The following LUC7L2 variants were observed in gnomAD, a reference collection of about 807,000 sequenced individuals.
The protein encoded by LUC7L2 is LUC7 like 2, pre-mRNA splicing factor, also known as putative RNA-binding protein Luc7-like 2.
A neutral mutation model predicts 52.8 loss-of-function variants in LUC7L2; 25 were observed. The ratio of observed to expected loss-of-function variants is 0.47; its 90% CI spans 0.34 to 0.66. The LOEUF (loss-of-function observed/expected upper bound fraction) is 0.66, where lower values mean the gene tolerates loss of function less well. Among genes scored for constraint, LUC7L2 ranks in the 30% least tolerant of loss-of-function variants. The pLI, the probability that LUC7L2 is intolerant of heterozygous loss-of-function variation, is 0.01. For synonymous variants in LUC7L2, 144 were observed against 160.9 expected (o/e 0.89, Z 0.80); for missense variants, 328 against 497.8 (o/e 0.66, Z 3.25).
rs79091743 is a variant in LUC7L2 at position 139,383,800 on chromosome 7, C to G, written c.156+7644C>G. On this transcript the variant is annotated intron_variant, in intron 2 of 9. Coordinates refer to ENST00000354926, the MANE Select transcript of LUC7L2 (RefSeq NM_016019.5). The stretch of plus-strand genomic sequence containing the variant: ...CTAGGCTGGAGTGCAGTGGTGTGAT[C>G]TCGGCTCACTGCAACCTCCGCCTCC... Among the ~76,000 whole-genome samples, 2,266 of 147,612 alleles carry G rather than the reference C, an allele frequency of 0.015. 134 individuals are homozygous for G. In the East Asian group the frequency reaches 0.23, roughly 15 times the overall value.
intron 2 of LUC7L2, among the ~76,000 whole-genome samples, chr7:139,396,169 A>G (rs1246954879): frequency 6.6e-6 from 1 of 152,164 alleles, no homozygotes; most frequent in East Asian, 1.9e-4. Flanking sequence ...GGCCAGGTGC[A>G]GTTGCTCATA....
chr7:139,359,757 G>A (rs760385411), upstream of LUC7L2: 75 of 400,818 alleles, frequency 1.9e-4, 4 homozygotes, highest in Non-Finnish European at 2.5e-4. Context: ...CGGGGTAAAG[G>A]GGCGGGAGGA....
intron 1 of LUC7L2, among the ~76,000 whole-genome samples, chr7:139,368,835 T>C (rs76166287): frequency 0.013 from 1,971 of 152,260 alleles, 46 homozygotes; most frequent in African/African-American, 0.045. Context: ...GGCAACCCTT[T>C]TTGTAAATTT....
At chr7:139,375,699 G>A (rs760012780) in intron 1 of LUC7L2, 1 of 859,526 alleles carries the variant, frequency 1.2e-6, no homozygotes, top group Non-Finnish European at 1.4e-6. Flanking sequence ...CTCTTAGTGG[G>A]TCTGCAAGTT....
chr7:139,405,552 TAAC>T, intron 4 of LUC7L2, 89 bp from the exon 5 acceptor site: 2 of 1,432,342 alleles, frequency 1.4e-6, no homozygotes, highest in South Asian at 1.5e-5. Context: ...CTGCCTTAGA[TAAC>T]AAGTTTTTTC....
chr7:139,353,240 G>A (rs1485739889), intron 1 of LUC7L2, among the ~76,000 whole-genome samples: 1 of 152,040 alleles, frequency 6.6e-6, no homozygotes, highest in East Asian at 1.9e-4. Context: ...TGTATGTACC[G>A]ATGCCCCAAG....
At chr7:139,406,766 A>G (rs1795131536) in intron 5 of LUC7L2, among the ~76,000 whole-genome samples, 1 of 152,080 alleles carries the variant, frequency 6.6e-6, no homozygotes. Flanking sequence ...CTCTTTTAAT[A>G]TCTGTAGAAT....
intron 1 of LUC7L2, among the ~76,000 whole-genome samples, chr7:139,360,894 T>A (rs1799846427): frequency 6.6e-6 from 1 of 152,240 alleles, no homozygotes; most frequent in Non-Finnish European, 1.5e-5. Flanking sequence ...TGGGTGTGTT[T>A]GGCCCCATTT....
intron 1 of LUC7L2, among the ~76,000 whole-genome samples, chr7:139,345,307 G>A (rs926565761): frequency 6.6e-6 from 1 of 152,076 alleles, no homozygotes; most frequent in East Asian, 1.9e-4. Flanking sequence ...TTAAAAATCC[G>A]AACTAGAGGT....
intron 1 of LUC7L2, chr7:139,375,624 T>C: frequency 1.0e-6 from 1 of 984,322 alleles, no homozygotes; most frequent in Non-Finnish European, 1.2e-6. Flanking sequence ...GTTTTTCAAT[T>C]ACTGTAAATA....
chr7:139,379,549 C>CTTTTTTTTTT lies in LUC7L2; in HGVS notation c.156+3422_156+3431dup, dbSNP rs539771697. Among the ~76,000 whole-genome samples the CTTTTTTTTTT allele has an allele frequency of 1.3e-4, 7 of 52,722 alleles. 1 individual carries two copies. The highest frequency in any genetic ancestry group is 3.5e-4 in the African/African-American group (4 of 11,450). 34.6% of individuals were successfully genotyped at this position (52,722 alleles called of 152,430 possible). On this transcript the variant is annotated intron_variant, in intron 2 of 9. Transcript: ENST00000354926. ...TTTCATTATTCTAGTATAACTAATG[C>CTTTTTTTTTT]TTTTTTTTTTTTTTTTTTTTTTTTT...
chr7:139,396,632 CT>C lies in LUC7L2; in HGVS notation c.157-1964del, dbSNP rs772442064. Reference sequence around the variant, plus strand: ...TTTTGTGCAGCCTGGTTTTGAGATACTTTGTCTAATTTTCTCATATTCCTTT... The same window carrying C: ...TTTTGTGCAGCCTGGTTTTGAGATACTTGTCTAATTTTCTCATATTCCTTT... On this transcript the variant is annotated intron_variant, in intron 2 of 9. Coordinates refer to ENST00000354926, the MANE Select transcript of LUC7L2 (RefSeq NM_016019.5). Among the ~76,000 whole-genome samples, 28 of 152,128 alleles carry C rather than the reference CT, an allele frequency of 1.8e-4. 1 individual carries two copies. The highest frequency in any genetic ancestry group is 1.9e-4 in the African/African-American group (8 of 41,414).
chr7:139,364,360 T>C (rs1800037535), intron 1 of LUC7L2, among the ~76,000 whole-genome samples: 1 of 152,172 alleles, frequency 6.6e-6, no homozygotes. Context: ...AAGATTAAAA[T>C]AGGCAGGAAT....
In LUC7L2 at chr7:139,422,400, G is replaced by C. The variant is rs1169326382; in HGVS notation, c.*60G>C. 5 of 1,536,708 alleles carry C rather than the reference G, an allele frequency of 3.3e-6. No homozygotes were observed. The East Asian group carries it at 1.1e-4, about 35-fold the overall frequency. ...CTACGGAGTTACGTACTATTGTTTA[G>C]TTCACAGCTGTTCAGGGTGACAGTG... is the stretch of plus-strand genomic sequence containing the variant. On this transcript the variant is annotated 3_prime_UTR_variant, in exon 10 of 10. Coordinates refer to ENST00000354926, the MANE Select transcript of LUC7L2 (RefSeq NM_016019.5).
chr7:139,359,112 G>A (rs542296380), upstream of LUC7L2: 2 of 152,372 alleles, frequency 1.3e-5, no homozygotes, highest in African/African-American at 2.4e-5. Flanking sequence ...CCCTACGAGG[G>A]GTAGAACTGA....
chr7:139,404,115 T>C lies in LUC7L2; in HGVS notation c.367-1529T>C, dbSNP rs559327932. On this transcript the variant is annotated intron_variant, in intron 4 of 9. Transcript: ENST00000354926. ...GGATAGTGATAATAGAATTGGACTCTCATTGAGGGAAGAAATATTTTGGGT... is the reference window on the plus strand; with the variant it reads ...GGATAGTGATAATAGAATTGGACTCCCATTGAGGGAAGAAATATTTTGGGT... 3.3e-5 allele frequency among the ~76,000 whole-genome samples: 5 copies of C among 152,286 alleles called. No individual in the cohort carries two copies. In the South Asian group the frequency reaches 1.0e-3, roughly 32 times the overall value.
intron 2 of LUC7L2, among the ~76,000 whole-genome samples, chr7:139,387,586 C>T (rs781454592): frequency 6.6e-6 from 1 of 152,052 alleles, no homozygotes; most frequent in African/African-American, 2.4e-5. Flanking sequence ...CATTTGAGAT[C>T]GAATGTGGAG....
chr7:139,400,152 A>G (rs1269954622), intron 3 of LUC7L2, among the ~76,000 whole-genome samples: 1 of 151,906 alleles, frequency 6.6e-6, no homozygotes, highest in Admixed American at 6.6e-5. Flanking sequence ...GGGTATTTTT[A>G]TATTTATATC....
intron 1 of LUC7L2, among the ~76,000 whole-genome samples, chr7:139,367,022 C>T (rs142577796): frequency 6.6e-6 from 1 of 152,038 alleles, no homozygotes; most frequent in Non-Finnish European, 1.5e-5. Flanking sequence ...GTCTCCCAGG[C>T]GTGAAATGCA....
Sources: allele counts gnomAD v4.1 joint callset (sites outside exome capture counted in the v4.1 genomes callset), GRCh38; gene constraint gnomAD v4.1.1; transcripts MANE v1.5; gene names NCBI Gene and HGNC (gene_info 2026-07-23, HGNC 2026-07-21).